The following KDM4B variants were observed in gnomAD, a reference collection of about 807,000 sequenced individuals.
KDM4B encodes the protein lysine-specific demethylase 4B.
Under a neutral mutation model 125.2 loss-of-function variants are expected in KDM4B, and 32 were observed. The ratio of observed to expected loss-of-function variants is 0.26; its 90% CI spans 0.19 to 0.34. The LOEUF (loss-of-function observed/expected upper bound fraction) is 0.34, where lower values mean the gene tolerates loss of function less well. KDM4B is among the 10% of genes least tolerant of loss of function. The pLI is 1.00. For synonymous variants in KDM4B, 721 were observed against 677.9 expected (o/e 1.06, Z -0.99); for missense variants, 1,190 against 1,577.7 (o/e 0.75, Z 4.16).
At chr19:5,013,407 G>A (rs1205291200) in intron 1 of KDM4B, among the ~76,000 whole-genome samples, 1 of 152,162 alleles carries the variant, frequency 6.6e-6, no homozygotes, top group Non-Finnish European at 1.5e-5. Context: ...ACCCTTTGCT[G>A]CTATGACAAA....
At chr19:4,978,582 G>C (rs2034533986) in intron 1 of KDM4B, among the ~76,000 whole-genome samples, 1 of 150,364 alleles carries the variant, frequency 6.7e-6, no homozygotes, top group African/African-American at 2.5e-5. Context: ...GCTGGAATTG[G>C]TGGAAGCCAC....
At position 5,081,957 on chromosome 19, in the gene KDM4B, A is replaced by T. The variant is rs1294829029; in HGVS notation, c.781-410A>T. ...ACATGTCACAGTGACTGTGAGTGTG[A>T]CTCAGCCACCTCCAAAGCAGGAGGC... On this transcript the variant is annotated intron_variant, in intron 8 of 22. Transcript: ENST00000159111. The surrounding 1 kb of genome is among the most constrained non-coding windows in gnomAD (Gnocchi z 4.2). 6.6e-6 allele frequency among the ~76,000 whole-genome samples: 1 copy of T among 152,108 alleles called. No homozygotes were observed. Among genetic ancestry groups the T allele is most frequent in the Non-Finnish European group, 1.5e-5 (1 of 68,010 alleles).
rs148784449 is a variant in KDM4B at position 5,083,091 on chromosome 19, G to T, written c.918+587G>T. Among the ~76,000 whole-genome samples, 453 of 152,318 alleles carry T rather than the reference G, an allele frequency of 3.0e-3. 3 individuals carry two copies. The highest frequency in any genetic ancestry group is 0.01 in the African/African-American group (434 of 41,566). ...TAGCATGCCCGTGGGAAGACTCACA[G>T]TGAGTGGCCCTTGCTTGATTTTTTT... is the stretch of plus-strand genomic sequence containing the variant. On this transcript the variant is annotated intron_variant, in intron 9 of 22. Transcript: ENST00000159111.
In KDM4B at chr19:5,132,114, G is replaced by A. The variant is rs1381037090; in HGVS notation, c.1906+107G>A. The A allele has an allele frequency of 2.9e-6, 4 of 1,363,512 alleles. No individual in the cohort carries two copies. In the Admixed American group the frequency reaches 8.1e-5, roughly 27 times the overall value. The allele number at this position is 1,363,512 out of a possible 1,614,324, so 84.5% of individuals were successfully genotyped here. ...GCGGCTTCCTTCCCCCACTTCCTGG[G>A]TCTCCTCCCCTGAACCCAGGCCTTT... On this transcript the variant is annotated intron_variant, in intron 13 of 22. Coordinates refer to ENST00000159111, the MANE Select transcript of KDM4B (RefSeq NM_015015.3).
intron 1 of KDM4B, among the ~76,000 whole-genome samples, chr19:4,985,273 G>A (rs1406289606): frequency 2.0e-5 from 3 of 152,126 alleles, no homozygotes; most frequent in Non-Finnish European, 4.4e-5. Context: ...GCAGTGAGCC[G>A]AGATCGCGCC....
At chr19:4,991,623 G>A (rs1014103610) in intron 1 of KDM4B, among the ~76,000 whole-genome samples, 3 of 152,188 alleles carry the variant, frequency 2.0e-5, no homozygotes, top group East Asian at 1.9e-4. Context: ...TTCCTCAGGC[G>A]TCCTCAGTGT....
chr19:4,988,757 C>G (rs2034932318), intron 1 of KDM4B, among the ~76,000 whole-genome samples: 1 of 152,190 alleles, frequency 6.6e-6, no homozygotes, highest in Non-Finnish European at 1.5e-5. Flanking sequence ...TGTGACGTCT[C>G]CAGGAACCTC....
In KDM4B at chr19:5,115,704, C is replaced by G. The variant is rs771377168; in HGVS notation, c.1116-3949C>G. Reference sequence around the variant, plus strand: ...GTGAGTGCAGGGCCCTGGAGTGGGCCGGGACTTTGCATTATGGAAAAAGAG... The same window carrying G: ...GTGAGTGCAGGGCCCTGGAGTGGGCGGGGACTTTGCATTATGGAAAAAGAG... On this transcript the variant is annotated intron_variant, in intron 10 of 22. Transcript: ENST00000159111. The surrounding 1 kb of genome is among the most constrained non-coding windows in gnomAD (Gnocchi z 4.2). 6.6e-6 allele frequency among the ~76,000 whole-genome samples: 1 copy of G among 152,170 alleles called. No homozygotes were observed. Among genetic ancestry groups the G allele is most frequent in the Non-Finnish European group, 1.5e-5 (1 of 68,034 alleles).
intron 9 of KDM4B, among the ~76,000 whole-genome samples, chr19:5,098,318 A>G (rs1012506925): frequency 2.0e-5 from 3 of 152,172 alleles, no homozygotes; most frequent in Non-Finnish European, 4.4e-5. Flanking sequence ...CTCCAGTTTC[A>G]TTGGATTTCA....
At chr19:5,150,936 C>A (rs1371427438) in intron 22 of KDM4B, among the ~76,000 whole-genome samples, 1 of 152,204 alleles carries the variant, frequency 6.6e-6, no homozygotes, top group Non-Finnish European at 1.5e-5. Flanking sequence ...AGCTTTCGCT[C>A]CCCCAGCCCT....
At chr19:5,015,976 G>C (rs2035880905) in intron 1 of KDM4B, among the ~76,000 whole-genome samples, 1 of 152,210 alleles carries the variant, frequency 6.6e-6, no homozygotes, top group South Asian at 2.1e-4. Flanking sequence ...AAGGCCTCCA[G>C]AAGCTTCTTT....
In KDM4B at chr19:5,038,813, C is replaced by T. The variant is rs573751934; in HGVS notation, c.142-1023C>T. Reference sequence around the variant, plus strand: ...ACGCTCTGCACAGTGCCCAGCTCCGCACAGCTCCTGTCCTGCCTCACGGCC... The same window carrying T: ...ACGCTCTGCACAGTGCCCAGCTCCGTACAGCTCCTGTCCTGCCTCACGGCC... On this transcript the variant is annotated intron_variant, in intron 3 of 22. Coordinates refer to ENST00000159111, the MANE Select transcript of KDM4B (RefSeq NM_015015.3). 2.6e-5 allele frequency among the ~76,000 whole-genome samples: 4 copies of T among 152,388 alleles called. No individual in the cohort carries two copies. The South Asian group carries it at 8.3e-4, about 32-fold the overall frequency.
rs979630893 is a variant in KDM4B at position 5,084,775 on chromosome 19, C to T, written c.918+2271C>T. Among the ~76,000 whole-genome samples, 3 of 151,368 alleles carry T rather than the reference C, an allele frequency of 2.0e-5. No individual in the cohort carries two copies. In the East Asian group the frequency reaches 5.8e-4, roughly 29 times the overall value. The stretch of plus-strand genomic sequence containing the variant: ...GCATCCCTGAGCTATGATTGCACCA[C>T]TGCACTCGAGCCTGGGCAACAGAGT... On this transcript the variant is annotated intron_variant, in intron 9 of 22. Transcript: ENST00000159111.
intron 10 of KDM4B, chr19:5,111,571 C>G (rs2039147437): frequency 2.7e-6 from 2 of 753,288 alleles, no homozygotes; most frequent in Non-Finnish European, 4.9e-6. Context: ...CCAGCCCCTC[C>G]TCTGGGAAGT....
chr19:5,138,101 C>T (rs1335950358), intron 18 of KDM4B, 31 bp downstream of exon 18: 1 of 1,555,064 alleles, frequency 6.4e-7, no homozygotes, highest in African/African-American at 1.4e-5. Flanking sequence ...CCCACCCTGC[C>T]CGTGCCTCTA....
At chr19:4,999,246 T>C (rs994533299) in intron 1 of KDM4B, among the ~76,000 whole-genome samples, 2 of 152,244 alleles carry the variant, frequency 1.3e-5, no homozygotes, top group African/African-American at 4.8e-5. Context: ...CAATGGGTTA[T>C]AATCCACTGC....
chr19:5,116,005 T>C (rs1400626501), intron 10 of KDM4B, among the ~76,000 whole-genome samples: 1 of 152,096 alleles, frequency 6.6e-6, no homozygotes, highest in Non-Finnish European at 1.5e-5. Flanking sequence ...CGCCCAAGAA[T>C]GGAAATTACC....
intron 21 of KDM4B, among the ~76,000 whole-genome samples, chr19:5,147,865 C>A (rs988180444): frequency 1.3e-5 from 2 of 152,088 alleles, no homozygotes; most frequent in African/African-American, 4.8e-5. Context: ...CGCCTGCCTG[C>A]GAGGTGGCGG....
chr19:5,109,079 A>G (rs1254449974), intron 9 of KDM4B, among the ~76,000 whole-genome samples: 1 of 152,238 alleles, frequency 6.6e-6, no homozygotes, highest in Admixed American at 6.5e-5. Flanking sequence ...ACACACAGCC[A>G]TGCGCATGCA....
Sources: allele counts gnomAD v4.1 joint callset (sites outside exome capture counted in the v4.1 genomes callset), GRCh38; gene constraint gnomAD v4.1.1; non-coding constraint Gnocchi (gnomAD v3.1); transcripts MANE v1.5; gene names NCBI Gene and HGNC (gene_info 2026-07-23, HGNC 2026-07-21).